Variants in TIAM2 observed in about 807,000 individuals in gnomAD.
The protein encoded by TIAM2 is rho guanine nucleotide exchange factor TIAM2.
TIAM2 carries 80 observed loss-of-function variants against 152.9 expected under a neutral mutation model. The observed-to-expected ratio is 0.52, with a 90% CI of 0.44 to 0.63. TIAM2 has a LOEUF of 0.63. Ranked by LOEUF, TIAM2 falls within the 30% of genes least tolerant of loss-of-function variation. The pLI, the probability that TIAM2 is intolerant of heterozygous loss-of-function variation, is 0.00. For missense variants in TIAM2, 1,965 were observed against 2,120.1 expected, an observed-to-expected ratio of 0.93 and a Z score of 1.44; for synonymous variants, 804 against 838.0, an observed-to-expected ratio of 0.96 and a Z score of 0.70.
At chr6:155,256,249 T>C in intron 26 of TIAM2, 4 of 615,086 alleles carry the variant, frequency 6.5e-6, no homozygotes, top group Non-Finnish European at 1.1e-5. Flanking sequence ...TTTACATAAT[T>C]GAGCTCTGGT....
intron 2 of TIAM2, among the ~76,000 whole-genome samples, chr6:155,118,634 C>T (rs185413030): frequency 2.6e-5 from 4 of 151,962 alleles, no homozygotes; most frequent in Admixed American, 1.3e-4. Context: ...GGGGTTTCAC[C>T]GTGTTGGCCA....
chr6:155,119,666 CTCG>C (rs1779106971), intron 2 of TIAM2, among the ~76,000 whole-genome samples: 1 of 152,214 alleles, frequency 6.6e-6, no homozygotes, highest in South Asian at 2.1e-4. Flanking sequence ...TGTTTTGGGA[CTCG>C]TCGGAGCTTG....
chr6:155,045,050 C>CTTTTT (rs200620585), intron 1 of TIAM2, among the ~76,000 whole-genome samples: 30 of 132,006 alleles, frequency 2.3e-4, no homozygotes, highest in East Asian at 7.1e-4. Context: ...TTTTCTTTTT[C>CTTTTT]TTTTTTTTTT....
intron 5 of TIAM2, among the ~76,000 whole-genome samples, chr6:155,137,979 G>A (rs534861323): frequency 6.6e-6 from 1 of 152,202 alleles, no homozygotes; most frequent in Admixed American, 6.5e-5. Flanking sequence ...TGGAATTATG[G>A]GCGTGGGCCA....
chr6:155,219,827 T>G (rs1441311959), intron 15 of TIAM2, among the ~76,000 whole-genome samples: 1 of 151,904 alleles, frequency 6.6e-6, no homozygotes, highest in Non-Finnish European at 1.5e-5. Flanking sequence ...ACTTACACGC[T>G]CTGTTCAACA....
chr6:155,176,838 A>G lies in TIAM2; in HGVS notation c.2384A>G (p.Tyr795Cys), dbSNP rs370745377. ...CAGGTCGATGAACTTCTGCATATAT[A>G]TGGTTCAACAGTAGACGGTGTTCCC... ...ITQVDELLHI[Y>C]GSTVDGVPRD... The change falls in exon 10 of 27, where the codon TAT (tyrosine) becomes TGT (cysteine). Residue 795 changes from tyrosine to cysteine, a missense_variant. Tyr to Cys is a radical substitution (Grantham distance 194, BLOSUM62 -2). Transcript: ENST00000682666. 3 of 1,612,366 alleles carry G rather than the reference A, an allele frequency of 1.9e-6. No individual in the cohort carries two copies. Among genetic ancestry groups the G allele is most frequent in the East Asian group, 2.2e-5 (1 of 44,880 alleles).
chr6:155,036,712 G>C (rs919714132), intron 1 of TIAM2, among the ~76,000 whole-genome samples: 31 of 151,604 alleles, frequency 2.0e-4, no homozygotes, highest in Admixed American at 1.8e-3. Flanking sequence ...CCGCCTCCCA[G>C]GTTCAAGCGA....
intron 1 of TIAM2, among the ~76,000 whole-genome samples, chr6:155,029,859 C>A (rs956013160): frequency 6.6e-6 from 1 of 150,980 alleles, no homozygotes; most frequent in Admixed American, 6.7e-5. Context: ...GTGGTGTGAT[C>A]GCGGCTCACT....
chr6:155,111,630 G>C (rs1016420675), intron 2 of TIAM2, among the ~76,000 whole-genome samples: 1 of 152,128 alleles, frequency 6.6e-6, no homozygotes, highest in Non-Finnish European at 1.5e-5. Context: ...GATAGGAGGG[G>C]CAGTTGCTCT....
intron 1 of TIAM2, among the ~76,000 whole-genome samples, chr6:155,029,072 TATATA>T (rs1188738503): frequency 2.3e-4 from 23 of 100,494 alleles, no homozygotes; most frequent in African/African-American, 9.5e-4. Context: ...GTATATACTA[TATATA>T]CTGTTATATA....
intron 1 of TIAM2, chr6:155,016,474 C>T: frequency 9.4e-6 from 1 of 106,436 alleles, no homozygotes; most frequent in East Asian, 2.2e-4. Context: ...TATGGGAATA[C>T]TATATTTAAA....
chr6:155,197,717 GAAGGGCCGACCAA>G (rs1463388630), intron 14 of TIAM2, among the ~76,000 whole-genome samples: 3 of 152,206 alleles, frequency 2.0e-5, no homozygotes, highest in Middle Eastern at 3.4e-3. Context: ...GCGGCAAGCA[GAAGGGCCGACCAA>G]AAGGGGGAAA....
In TIAM2 at chr6:155,129,271, T is replaced by C; in HGVS notation, c.48T>C (p.His16=). 6.2e-7 allele frequency: 1 copy of C among 1,614,180 alleles called. No individual in the cohort carries two copies. Among genetic ancestry groups the C allele is most frequent in the South Asian group, 1.1e-5 (1 of 91,084 alleles). Residue 16 remains histidine (H), a synonymous_variant, in exon 4 of 27, where the codon CAT becomes CAC. Transcript: ENST00000682666. The surrounding 1 kb of genome is among the most constrained non-coding windows in gnomAD (Gnocchi z 4.8). The part of the protein sequence containing the change: ...SQYTLQGSKN[H]SNTITGAKQI... ...ACACCCTTCAAGGATCTAAAAATCA[T>C]AGCAATACTATTACTGGTGCTAAGC...
intron 2 of TIAM2, among the ~76,000 whole-genome samples, chr6:155,116,992 G>A (rs2115016786): frequency 6.6e-6 from 1 of 151,686 alleles, no homozygotes; most frequent in Non-Finnish European, 1.5e-5. Flanking sequence ...ACAAGTTTTA[G>A]CTGAGACTTG....
intron 1 of TIAM2, among the ~76,000 whole-genome samples, chr6:155,089,606 C>G (rs996861435): frequency 6.6e-6 from 1 of 152,188 alleles, no homozygotes; most frequent in Non-Finnish European, 1.5e-5. Context: ...GGTGTTTCTT[C>G]GCTGATCCCT....
chr6:155,061,508 C>G (rs921069456), intron 1 of TIAM2, among the ~76,000 whole-genome samples: 1 of 152,104 alleles, frequency 6.6e-6, no homozygotes, highest in Non-Finnish European at 1.5e-5. Context: ...AATCTTGAGT[C>G]GCGTTGTTTA....
At chr6:155,091,286 C>A (rs958025231) in intron 2 of TIAM2, among the ~76,000 whole-genome samples, 1 of 152,186 alleles carries the variant, frequency 6.6e-6, no homozygotes, top group African/African-American at 2.4e-5. Context: ...ATTTATGTAT[C>A]GGCTTGTTGT....
At chr6:155,138,615 G>T (rs1187029791) in intron 5 of TIAM2, among the ~76,000 whole-genome samples, 1 of 151,992 alleles carries the variant, frequency 6.6e-6, no homozygotes, top group Admixed American at 6.6e-5. Context: ...GCCCCAGTTT[G>T]TGATGTTCCC....
intron 7 of TIAM2, among the ~76,000 whole-genome samples, chr6:155,159,910 C>G (rs1780223870): frequency 6.6e-6 from 1 of 152,164 alleles, no homozygotes; most frequent in Non-Finnish European, 1.5e-5. Flanking sequence ...ATGGCTTACT[C>G]TGCCACAAAG....
Sources: allele counts gnomAD v4.1 joint callset (sites outside exome capture counted in the v4.1 genomes callset), GRCh38; gene constraint gnomAD v4.1.1; non-coding constraint Gnocchi (gnomAD v3.1); transcripts MANE v1.5; gene names NCBI Gene and HGNC (gene_info 2026-07-23, HGNC 2026-07-21).